Variants in VGLL3 observed in about 807,000 individuals in gnomAD.
VGLL3 encodes vestigial like family member 3.
Under a neutral mutation model 29.2 loss-of-function variants are expected in VGLL3, and 18 were observed. That is an observed-to-expected ratio of 0.62 (90% CI 0.43 to 0.91). The LOEUF (loss-of-function observed/expected upper bound fraction) is 0.91, where lower values mean the gene tolerates loss of function less well. Ranked by LOEUF, VGLL3 falls within the 40% of genes least tolerant of loss-of-function variation. The pLI is 0.00. For missense variants in VGLL3, 440 were observed against 413.2 expected, an observed-to-expected ratio of 1.06 and a Z score of -0.56; for synonymous variants, 180 against 151.8, an observed-to-expected ratio of 1.19 and a Z score of -1.36.
chr3:86,961,578 A>T (rs567168937), intron 3 of VGLL3, among the ~76,000 whole-genome samples: 8 of 152,256 alleles, frequency 5.3e-5, no homozygotes, highest in African/African-American at 1.7e-4. Flanking sequence ...AATATGTTGT[A>T]CACGATCACA....
intron 3 of VGLL3, among the ~76,000 whole-genome samples, chr3:86,967,364 A>T (rs1704986063): frequency 6.6e-6 from 1 of 152,198 alleles, no homozygotes; most frequent in African/African-American, 2.4e-5. Context: ...TCACACACGC[A>T]TCTGCAGAGG....
chr3:86,972,405 C>T (rs1039558951), intron 2 of VGLL3, among the ~76,000 whole-genome samples: 3 of 151,992 alleles, frequency 2.0e-5, no homozygotes, highest in Admixed American at 2.0e-4. Context: ...GTTACATTTA[C>T]AATTGAAACA....
At chr3:86,961,432 A>G (rs1301486668) in intron 3 of VGLL3, among the ~76,000 whole-genome samples, 11 of 152,186 alleles carry the variant, frequency 7.2e-5, no homozygotes, top group Non-Finnish European at 1.3e-4. Context: ...GAATGACAAC[A>G]TTTCACTAAA....
chr3:86,939,781 A>G lies in VGLL3; in HGVS notation c.*7243T>C, dbSNP rs1704355433. 1 of 152,370 alleles carries G rather than the reference A, an allele frequency of 6.6e-6. No individual in the cohort carries two copies. The highest frequency in any genetic ancestry group is 2.1e-4 in the South Asian group (1 of 4,838). 9.4% of individuals were successfully genotyped at this position (152,370 alleles called of 1,614,324 possible). On this transcript the variant is annotated 3_prime_UTR_variant, in exon 4 of 4. Transcript: ENST00000398399. The stretch of plus-strand genomic sequence containing the variant: ...GAGGAAGTCAGTGATGTCATGTGAG[A>G]AGGTCTTGACCAGGTTGCTGGATTT...
At chr3:86,963,366 T>C (rs1306775674) in intron 3 of VGLL3, among the ~76,000 whole-genome samples, 1 of 152,198 alleles carries the variant, frequency 6.6e-6, no homozygotes, top group Non-Finnish European at 1.5e-5. Flanking sequence ...TCCATTTGTA[T>C]GAAATTTCCA....
At chr3:86,978,371 C>A (rs772411368) in intron 2 of VGLL3, among the ~76,000 whole-genome samples, 155 bp downstream of exon 2, 5 of 152,174 alleles carry the variant, frequency 3.3e-5, no homozygotes, top group Non-Finnish European at 5.9e-5. Context: ...CAAAACCGAT[C>A]CAGCTGTTTG....
chr3:86,974,777 G>T (rs953462136), intron 2 of VGLL3, among the ~76,000 whole-genome samples: 2 of 152,090 alleles, frequency 1.3e-5, no homozygotes, highest in East Asian at 3.9e-4. Flanking sequence ...TTTAATACTC[G>T]GTCAGCAGTT....
chr3:86,952,357 C>T (rs994024148), intron 3 of VGLL3, among the ~76,000 whole-genome samples: 3 of 152,026 alleles, frequency 2.0e-5, no homozygotes, highest in African/African-American at 7.2e-5. Flanking sequence ...GAGTCATAAC[C>T]CACTAAATAA....
At chr3:86,967,391 G>A (rs565982766) in intron 3 of VGLL3, among the ~76,000 whole-genome samples, 1 of 152,290 alleles carries the variant, frequency 6.6e-6, no homozygotes, top group African/African-American at 2.4e-5. Context: ...CAAGTCCCCT[G>A]ATACTTTGTT....
At chr3:86,953,789 C>A (rs73844413) in intron 3 of VGLL3, among the ~76,000 whole-genome samples, 1,537 of 152,122 alleles carry the variant, frequency 0.01, 38 homozygotes, top group African/African-American at 0.034. Context: ...TGTATACTAG[C>A]ATTTAGTATA....
chr3:86,982,280 G>A lies in VGLL3; in HGVS notation c.127-3478C>T, dbSNP rs1232408676. ...CTGCCTCAGCCTCCCTAGAAGCTGG[G>A]ATTACAGGTGCCTGCCACGATGCCC... is the stretch of plus-strand genomic sequence containing the variant. On this transcript the variant is annotated intron_variant, in intron 1 of 3. Transcript: ENST00000398399. Among the ~76,000 whole-genome samples the A allele has an allele frequency of 2.6e-5, 4 of 152,094 alleles. No individual in the cohort carries two copies. The South Asian group carries it at 6.2e-4, about 24-fold the overall frequency.
chr3:86,954,540 T>C (rs1358647177), intron 3 of VGLL3, among the ~76,000 whole-genome samples: 4 of 152,210 alleles, frequency 2.6e-5, no homozygotes, highest in Non-Finnish European at 5.9e-5. Context: ...AGCATCAGGA[T>C]ATAAAGTTAC....
intron 3 of VGLL3, among the ~76,000 whole-genome samples, chr3:86,958,333 A>G (rs1271901792): frequency 6.6e-6 from 1 of 152,210 alleles, no homozygotes; most frequent in Non-Finnish European, 1.5e-5. Context: ...TTAAAATACT[A>G]AAACTCTAAT....
In VGLL3 at chr3:86,968,908, A is replaced by G. The variant is rs777054179; in HGVS notation, c.619T>C (p.Trp207Arg). The G allele has an allele frequency of 6.2e-7, 1 of 1,614,070 alleles. No individual in the cohort carries two copies. The highest frequency in any genetic ancestry group is 1.3e-5 in the African/African-American group (1 of 74,922). Residue 207 changes from tryptophan to arginine, a missense_variant, in exon 3 of 4, where the codon TGG becomes CGG. Trp to Arg is a moderately radical substitution (Grantham distance 101). Coordinates refer to ENST00000398399, the MANE Select transcript of VGLL3 (RefSeq NM_016206.4). Reference sequence around the variant, plus strand: ...ACCTGAGATGTCAAAGGATAAGGCCAGGACTCAGACACAGCAGGGGGAGGG... The same window carrying G: ...ACCTGAGATGTCAAAGGATAAGGCCGGGACTCAGACACAGCAGGGGGAGGG... ...PAPPPAVSES[W>R]PYPLTSQVSP...
Position 86,968,839 on chromosome 3 carries a change from G to T in VGLL3, c.688C>A (p.His230Asn). The T allele has an allele frequency of 6.2e-7, 1 of 1,614,166 alleles. No homozygotes were observed. The highest frequency in any genetic ancestry group is 1.7e-5 in the Admixed American group (1 of 60,028). ...TGGTGCATGTGGGCATGAGGGTGGT[G>T]GTGCCGCATGTACACGTCATGCATA... ...SHMHDVYMRH[H>N]HPHAHMHHRH... Residue 230 changes from histidine to asparagine, a missense_variant, in exon 3 of 4, where the codon CAC becomes AAC. By Grantham distance (68) the His-to-Asn change is moderately conservative (BLOSUM62 1). Coordinates refer to ENST00000398399, the MANE Select transcript of VGLL3 (RefSeq NM_016206.4).
chr3:86,942,384 A>G lies in VGLL3; in HGVS notation c.*4640T>C, dbSNP rs868029132. The G allele has an allele frequency of 1.3e-5, 2 of 152,160 alleles. No individual in the cohort carries two copies. The highest frequency in any genetic ancestry group is 2.1e-4 in the South Asian group (1 of 4,832). 9.4% of individuals were successfully genotyped at this position (152,160 alleles called of 1,614,324 possible). On this transcript the variant is annotated 3_prime_UTR_variant, in exon 4 of 4. Transcript: ENST00000398399. ...GACACAGTGTCAACATCTGCTTCCAATAAGATTGTTTCTTTTTTTCCTTGA... is the reference window on the plus strand; with the variant it reads ...GACACAGTGTCAACATCTGCTTCCAGTAAGATTGTTTCTTTTTTTCCTTGA...
intron 1 of VGLL3, 72 bp from the exon 2 acceptor site, chr3:86,978,874 T>A: frequency 6.9e-7 from 1 of 1,448,530 alleles, no homozygotes; most frequent in Non-Finnish European, 9.2e-7. Flanking sequence ...AAGTTTTCAC[T>A]TTTTTAAAAA....
chr3:86,975,742 G>A (rs1325833141), intron 2 of VGLL3, among the ~76,000 whole-genome samples: 4 of 152,104 alleles, frequency 2.6e-5, no homozygotes, highest in African/African-American at 9.7e-5. Context: ...AGACTTAGTG[G>A]GATAATAGGA....
intron 3 of VGLL3, among the ~76,000 whole-genome samples, chr3:86,947,719 C>CCTCTTGGGTGAT (rs1559718585): frequency 2.0e-5 from 3 of 152,040 alleles, no homozygotes; most frequent in Non-Finnish European, 2.9e-5. Flanking sequence ...AAAATCATAA[C>CCTCTTGGGTGAT]AGCAAAAATT....
Sources: gnomAD v4.1 joint callset for allele counts (sites outside exome capture counted in the v4.1 genomes callset) on GRCh38, gnomAD v4.1.1 for gene constraint, MANE v1.5 for transcripts, NCBI Gene and HGNC (gene_info 2026-07-23, HGNC 2026-07-21) for gene names.